The following ARHGEF10 variants were observed in gnomAD, a reference collection of about 807,000 sequenced individuals.
ARHGEF10 encodes Rho guanine nucleotide exchange factor (GEF) 10.
In ARHGEF10, 140 loss-of-function variants were observed where a neutral mutation model predicts 147.4. The observed-to-expected ratio is 0.95, with a 90% confidence interval of 0.83 to 1.09. The LOEUF (loss-of-function observed/expected upper bound fraction) is 1.09, where lower values mean the gene tolerates loss of function less well. Ranked by LOEUF, ARHGEF10 falls within the 50% of genes least tolerant of loss-of-function variation. The probability of loss-of-function intolerance (pLI) is 0.00; values close to 1 mark genes in which losing one functional copy is unlikely to be tolerated. For missense variants in ARHGEF10, 2,222 were observed against 1,752.7 expected, an observed-to-expected ratio of 1.27 and a Z score of -4.78; for synonymous variants, 902 against 695.8, an observed-to-expected ratio of 1.30 and a Z score of -4.67.
At chr8:1,952,402 A>G (rs1436632816) in intron 27 of ARHGEF10, among the ~76,000 whole-genome samples, 2 of 152,232 alleles carry the variant, frequency 1.3e-5, no homozygotes, top group Admixed American at 1.3e-4. Flanking sequence ...AGATTCATCC[A>G]GGGGCTTGAT....
intron 18 of ARHGEF10, among the ~76,000 whole-genome samples, chr8:1,920,946 C>T (rs189732331): frequency 1.1e-4 from 17 of 152,180 alleles, no homozygotes; most frequent in African/African-American, 2.6e-4. Flanking sequence ...ACCATCATGC[C>T]CAGCTAATTT....
chr8:1,876,761 A>G, intron 8 of ARHGEF10, 27 bp downstream of exon 8: 1 of 1,611,948 alleles, frequency 6.2e-7, no homozygotes, highest in Non-Finnish European at 8.5e-7. Context: ...CATGTGAGGG[A>G]TGGTTCTCTC....
intron 25 of ARHGEF10, among the ~76,000 whole-genome samples, chr8:1,930,934 G>T (rs1813089447): frequency 6.6e-6 from 1 of 152,246 alleles, no homozygotes; most frequent in Non-Finnish European, 1.5e-5. Flanking sequence ...GCGGGCCTCT[G>T]GTTGCCTCCC....
At chr8:1,903,700 A>C in intron 16 of ARHGEF10, 1 of 569,672 alleles carries the variant, frequency 1.8e-6, no homozygotes. Flanking sequence ...AGACCCTCAA[A>C]TGGATCCAGG....
At chr8:1,944,201 C>T (rs1215580794) in intron 26 of ARHGEF10, among the ~76,000 whole-genome samples, 1 of 151,012 alleles carries the variant, frequency 6.6e-6, no homozygotes, top group East Asian at 1.9e-4. Context: ...CCTGGGGACC[C>T]CAGCCTCCTG....
chr8:1,848,989 A>T (rs1430055388), intron 2 of ARHGEF10, among the ~76,000 whole-genome samples: 2 of 152,074 alleles, frequency 1.3e-5, no homozygotes, highest in African/African-American at 2.4e-5. Flanking sequence ...CCGTTTACCT[A>T]TTTAACTTGT....
intron 2 of ARHGEF10, among the ~76,000 whole-genome samples, chr8:1,850,824 G>A (rs1805076837): frequency 6.6e-6 from 1 of 152,136 alleles, no homozygotes; most frequent in Non-Finnish European, 1.5e-5. Flanking sequence ...GTGAATGGAT[G>A]GATAAACTGG....
rs1311216151 is a variant in ARHGEF10 at position 1,832,729 on chromosome 8, CAGAGGCAG to C, written c.-48+8619_-48+8626del. ...AGGCAGAGACAGAGGCAGAGAGAGA[CAGAGGCAG>C]AGGCAGAGGCAGAGACAGAGACAGA... On this transcript the variant is annotated intron_variant, in intron 1 of 28. Transcript: ENST00000349830. Among the ~76,000 whole-genome samples the C allele has an allele frequency of 4.3e-4, 8 of 18,422 alleles. 1 individual carries two copies. In the Admixed American group the frequency reaches 4.4e-3, roughly 10 times the overall value. 12.1% of individuals were successfully genotyped at this position (18,422 alleles called of 152,430 possible). A position where few individuals can be genotyped will look rare whatever the true frequency, so the allele number is the denominator to read the frequency against.
chr8:1,949,154 CTG>C (rs1814827982), intron 27 of ARHGEF10, among the ~76,000 whole-genome samples: 1 of 152,156 alleles, frequency 6.6e-6, no homozygotes, highest in African/African-American at 2.4e-5. Context: ...AAAAAACAAA[CTG>C]TATTATAACT....
At chr8:1,906,162 C>G (rs1810873517) in intron 17 of ARHGEF10, among the ~76,000 whole-genome samples, 1 of 152,118 alleles carries the variant, frequency 6.6e-6, no homozygotes, top group African/African-American at 2.4e-5. Flanking sequence ...AGTTTTACAT[C>G]AGAATCGTTC....
Position 1,858,063 on chromosome 8 carries a change from A to C in ARHGEF10, c.141A>C (p.Pro47=), listed in dbSNP as rs4875950. The change falls in exon 3 of 29, where the codon CCA becomes CCC. Residue 47 remains proline, a synonymous_variant. Coordinates refer to ENST00000349830, the MANE Select transcript of ARHGEF10 (RefSeq NM_014629.4). Reference sequence around the variant, plus strand: ...TCCCAGAAGCGGACAGACAGGCCCCATCCGCCCCTGAGACAGGAGGTGCTG... The same window carrying C: ...TCCCAGAAGCGGACAGACAGGCCCCCTCCGCCCCTGAGACAGGAGGTGCTG... ...DEIPEADRQA[P]SAPETGGAGA... The C allele has an allele frequency of 0.3, 482,527 of 1,613,700 alleles. 73,456 individuals are homozygous for C. Among genetic ancestry groups the C allele is most frequent in the South Asian group, 0.43 (38,953 of 91,056 alleles).
At position 1,945,495 on chromosome 8, in the gene ARHGEF10, C is replaced by T. The variant is rs1383159673; in HGVS notation, c.3237C>T (p.Ala1079=). ...CGATTTCACAGGGTCAGCTGGAGGC[C>T]CACCAGGAGGAAGGCATGGTGATCT... ...ETHAVEGQLE[A]HQEEGMVISH... is the part of the protein sequence containing the mutation. Residue 1079 remains alanine (A), a synonymous_variant, in exon 27 of 29, where the codon GCC becomes GCT. Transcript: ENST00000349830. 4 of 1,605,036 alleles carry T rather than the reference C, an allele frequency of 2.5e-6. No individual in the cohort carries two copies. Among genetic ancestry groups the T allele is most frequent in the South Asian group, 2.2e-5 (2 of 89,772 alleles).
chr8:1,902,822 G>A (rs1461606843), intron 15 of ARHGEF10, among the ~76,000 whole-genome samples: 1 of 152,188 alleles, frequency 6.6e-6, no homozygotes, highest in Non-Finnish European at 1.5e-5. Flanking sequence ...AGAGAGACTC[G>A]ATCCTGCTGT....
intron 19 of ARHGEF10, 53 bp from the exon 20 acceptor site, chr8:1,923,415 A>T: frequency 6.2e-7 from 1 of 1,611,030 alleles, no homozygotes; most frequent in Non-Finnish European, 8.5e-7. Context: ...CTTCCTTGGG[A>T]TGGCCCTAGT....
At chr8:1,931,943 G>C (rs1168369280) in intron 25 of ARHGEF10, among the ~76,000 whole-genome samples, 1 of 152,158 alleles carries the variant, frequency 6.6e-6, no homozygotes, top group African/African-American at 2.4e-5. Flanking sequence ...CTTAACCGAG[G>C]GAAACGTCTG....
intron 11 of ARHGEF10, among the ~76,000 whole-genome samples, chr8:1,888,048 G>A (rs1425584480): frequency 1.5e-5 from 2 of 133,114 alleles, no homozygotes; most frequent in Non-Finnish European, 1.6e-5. Flanking sequence ...AGGGTTGTTA[G>A]GAGACAGTGA....
At chr8:1,863,768 GCTC>G (rs1275943484) in intron 4 of ARHGEF10, among the ~76,000 whole-genome samples, 2 of 152,100 alleles carry the variant, frequency 1.3e-5, no homozygotes, top group African/African-American at 2.4e-5. Context: ...CTGCGGCTTT[GCTC>G]ACGGCTCACC....
chr8:1,836,635 G>A (rs1803600385), intron 1 of ARHGEF10, among the ~76,000 whole-genome samples: 1 of 152,172 alleles, frequency 6.6e-6, no homozygotes, highest in East Asian at 1.9e-4. Context: ...GGGGAGAAGC[G>A]CATGCTGCCG....
intron 1 of ARHGEF10, among the ~76,000 whole-genome samples, chr8:1,838,077 G>A (rs747251927): frequency 2.6e-5 from 4 of 152,140 alleles, no homozygotes; most frequent in Non-Finnish European, 5.9e-5. Flanking sequence ...TGGTGGATGC[G>A]TCTTTGTCTG....
Sources: allele counts gnomAD v4.1 joint callset (sites outside exome capture counted in the v4.1 genomes callset), GRCh38; gene constraint gnomAD v4.1.1; transcripts MANE v1.5; gene names NCBI Gene and HGNC (gene_info 2026-07-23, HGNC 2026-07-21).